The following ARID4B variants were observed in gnomAD, a reference collection of about 807,000 sequenced individuals.
ARID4B encodes the protein AT-rich interactive domain-containing protein 4B.
In ARID4B, 26 loss-of-function variants were observed where a neutral mutation model predicts 147.5. The observed-to-expected ratio is 0.18, with a 90% confidence interval of 0.13 to 0.24. The LOEUF (loss-of-function observed/expected upper bound fraction) is 0.24. Ranked by LOEUF, ARID4B falls within the 10% of genes least tolerant of loss-of-function variation. ARID4B has a pLI of 1.00. For synonymous variants in ARID4B, 512 were observed against 507.9 expected (o/e 1.01, Z -0.11); for missense variants, 1,179 against 1,511.5 (o/e 0.78, Z 3.65).
In ARID4B at chr1:235,267,593, GA is replaced by G. The variant is rs529885209; in HGVS notation, c.7-6842del. 1.8e-4 allele frequency among the ~76,000 whole-genome samples: 27 copies of G among 152,306 alleles called. 1 individual carries two copies. The South Asian group carries it at 2.9e-3, about 16-fold the overall frequency. ...CACGCCTGTAATCCCAGCACTCTGG[GA>G]GGCCGAGGCGGGTGGATCACGAGGT... On this transcript the variant is annotated intron_variant, in intron 2 of 23. Coordinates refer to ENST00000264183, the MANE Select transcript of ARID4B (RefSeq NM_016374.6).
intron 17 of ARID4B, among the ~76,000 whole-genome samples, chr1:235,213,514 T>C (rs1666839237): frequency 1.3e-5 from 2 of 152,302 alleles, no homozygotes; most frequent in African/African-American, 4.8e-5. Context: ...TTTTGTCTGC[T>C]GATCTACATG....
At chr1:235,264,730 CCCTT>C (rs991414728) in intron 2 of ARID4B, among the ~76,000 whole-genome samples, 62 of 152,288 alleles carry the variant, frequency 4.1e-4, no homozygotes, top group African/African-American at 1.4e-3. Context: ...AGATTTGGTT[CCCTT>C]CCTTATTTCT....
chr1:235,292,742 C>T (rs1233059424), intron 2 of ARID4B, among the ~76,000 whole-genome samples: 1 of 151,964 alleles, frequency 6.6e-6, no homozygotes, highest in African/African-American at 2.4e-5. Flanking sequence ...CCAGAATATG[C>T]ATAAAACTTG....
intron 17 of ARID4B, among the ~76,000 whole-genome samples, chr1:235,198,427 C>T (rs1479210168): frequency 2.0e-5 from 3 of 152,154 alleles, no homozygotes; most frequent in African/African-American, 7.2e-5. Context: ...ATGGGTAAGG[C>T]CACTGTGATA....
At chr1:235,252,162 A>T (rs1308290438) in intron 6 of ARID4B, among the ~76,000 whole-genome samples, 2 of 152,204 alleles carry the variant, frequency 1.3e-5, no homozygotes, top group Non-Finnish European at 2.9e-5. Flanking sequence ...CATGAAGAAG[A>T]TATACAAAGT....
chr1:235,319,846 A>G (rs1268722852), intron 2 of ARID4B, among the ~76,000 whole-genome samples: 1 of 151,816 alleles, frequency 6.6e-6, no homozygotes, highest in Non-Finnish European at 1.5e-5. Context: ...ACAAAAAAAA[A>G]GGCCGGGCGA....
chr1:235,236,862 A>T (rs868716619), intron 8 of ARID4B, among the ~76,000 whole-genome samples: 1,355 of 17,622 alleles, frequency 0.077, 299 homozygotes, highest in Non-Finnish European at 0.1. Flanking sequence ...ATATATATAT[A>T]TTTTTTTTTT....
chr1:235,175,189 T>C lies in ARID4B; in HGVS notation c.3659A>G (p.Gln1220Arg). The part of the protein sequence containing the change: ...RLPKVYKWSF[Q>R]MSDLENMTSA... ...CAATTTAACATGTCACTTACACATC[T>C]GAAAACTCCATTTGTAAACTTTGGG... The change falls in exon 22 of 24, where the codon CAG becomes CGG. Residue 1220 changes from glutamine (Q) to arginine (R), a missense_variant. Around this residue, in one of 10 missense-constraint regions of ARID4B, gnomAD observed 357 missense variants for 427.3 expected, o/e 0.84. Transcript: ENST00000264183. 6.2e-7 allele frequency: 1 copy of C among 1,612,966 alleles called. No individual in the cohort carries two copies. The highest frequency in any genetic ancestry group is 8.5e-7 in the Non-Finnish European group (1 of 1,178,914).
rs564800365 is a variant in ARID4B, at chr1:235,250,478, T to A, written c.354+2252A>T. On this transcript the variant is annotated intron_variant, in intron 6 of 23. Coordinates refer to ENST00000264183, the MANE Select transcript of ARID4B (RefSeq NM_016374.6). ...CTTAATATACTCAAATTTTAAAATATGTTTGATTGTTTGATTAATGCTTTT... is the reference window on the plus strand; with the variant it reads ...CTTAATATACTCAAATTTTAAAATAAGTTTGATTGTTTGATTAATGCTTTT... 2.0e-5 allele frequency among the ~76,000 whole-genome samples: 3 copies of A among 152,330 alleles called. No individual in the cohort carries two copies. The East Asian group carries it at 5.8e-4, about 29-fold the overall frequency.
At position 235,182,441 on chromosome 1, in the gene ARID4B, C is replaced by T. The variant is rs1219640107; in HGVS notation, c.2478G>A (p.Arg826=). ...SKPQIKRGKR[R]YCNTEECLKT... ...TTAGACACTCTTCTGTATTGCAATA[C>T]CTTCTTTTACCACGTTTTATTTGTG... Residue 826 remains arginine (R), a synonymous_variant, in exon 20 of 24, where the codon AGG becomes AGA. Coordinates refer to ENST00000264183, the MANE Select transcript of ARID4B (RefSeq NM_016374.6). 2.5e-6 allele frequency: 4 copies of T among 1,611,590 alleles called. No individual in the cohort carries two copies. Among genetic ancestry groups the T allele is most frequent in the East Asian group, 4.5e-5 (2 of 44,862 alleles).
chr1:235,235,875 G>C (rs530661897), intron 8 of ARID4B, among the ~76,000 whole-genome samples: 1 of 152,096 alleles, frequency 6.6e-6, no homozygotes, highest in South Asian at 2.1e-4. Context: ...GTCCTAGTCA[G>C]GGTAAATACT....
At position 235,220,308 on chromosome 1, in the gene ARID4B, G is replaced by T. The variant is rs1452555718; in HGVS notation, c.1401C>A (p.Pro467=). ...DEIERKENIK[P]SLGSKKNLLE... ...TTAACAATATCTGATTTACCAGAGA[G>T]GGCTTAATATTTTCTTTTCTTTCAA... The change falls in exon 15 of 24, where the codon CCC becomes CCA. Residue 467 remains proline, a synonymous_variant. Transcript: ENST00000264183. The T allele has an allele frequency of 2.5e-6, 4 of 1,598,484 alleles. No individual in the cohort carries two copies. The highest frequency in any genetic ancestry group is 3.4e-6 in the Non-Finnish European group (4 of 1,174,612).
intron 17 of ARID4B, among the ~76,000 whole-genome samples, chr1:235,197,176 C>T (rs1665565455): frequency 6.6e-6 from 1 of 151,800 alleles, no homozygotes; most frequent in Admixed American, 6.6e-5. Context: ...AGAATTATAA[C>T]AGCTAGAAGA....
chr1:235,190,630 C>G (rs1665031208), intron 19 of ARID4B, among the ~76,000 whole-genome samples: 1 of 152,080 alleles, frequency 6.6e-6, no homozygotes, highest in Non-Finnish European at 1.5e-5. Flanking sequence ...CCAATCCAGC[C>G]AAACTATGAA....
intron 18 of ARID4B, among the ~76,000 whole-genome samples, chr1:235,195,168 T>A (rs1186298183): frequency 1.3e-5 from 2 of 152,182 alleles, no homozygotes; most frequent in African/African-American, 4.8e-5. Context: ...TCATTCCAGA[T>A]GCATAGAAGA....
intron 2 of ARID4B, among the ~76,000 whole-genome samples, chr1:235,295,441 C>A (rs1366727163): frequency 4.8e-5 from 7 of 146,926 alleles, no homozygotes; most frequent in African/African-American, 1.8e-4. Context: ...ACCTGGGAGG[C>A]AGAGGTTGTA....
At chr1:235,310,020 AC>A (rs1422662530) in intron 2 of ARID4B, among the ~76,000 whole-genome samples, 17 of 152,032 alleles carry the variant, frequency 1.1e-4, no homozygotes, top group South Asian at 6.3e-4. Context: ...AATCTCAAGT[AC>A]CCAGGGACAC....
chr1:235,251,774 G>T (rs1038046042), intron 6 of ARID4B, among the ~76,000 whole-genome samples: 12 of 152,120 alleles, frequency 7.9e-5, no homozygotes, highest in African/African-American at 2.4e-4. Flanking sequence ...GCCACACTGT[G>T]TATCAATGAA....
At chr1:235,230,767 C>T (rs1289763784) in intron 10 of ARID4B, among the ~76,000 whole-genome samples, 1 of 151,360 alleles carries the variant, frequency 6.6e-6, no homozygotes, top group East Asian at 1.9e-4. Flanking sequence ...ATTAAAATAA[C>T]AAAAAATTAG....
Sources: gnomAD v4.1 joint callset for allele counts (sites outside exome capture counted in the v4.1 genomes callset) on GRCh38, gnomAD v4.1.1 for gene constraint, gnomAD v4.1.1 regional missense constraint, MANE v1.5 for transcripts, NCBI Gene and HGNC (gene_info 2026-07-23, HGNC 2026-07-21) for gene names.